The following ORC3 variants were observed in gnomAD, a reference collection of about 807,000 sequenced individuals.
ORC3 encodes homolog of latheo, Drosophila.
Under a neutral mutation model 100.7 loss-of-function variants are expected in ORC3, and 78 were observed. The ratio of observed to expected loss-of-function variants is 0.77; its 90% CI spans 0.65 to 0.94. The LOEUF (loss-of-function observed/expected upper bound fraction) is 0.94, where lower values mean the gene tolerates loss of function less well. Among genes scored for constraint, ORC3 ranks in the 40% least tolerant of loss-of-function variants. The pLI, the probability that ORC3 is intolerant of heterozygous loss-of-function variation, is 0.00. For missense variants in ORC3, 789 were observed against 823.9 expected, an observed-to-expected ratio of 0.96 and a Z score of 0.52; for synonymous variants, 295 against 289.3, an observed-to-expected ratio of 1.02 and a Z score of -0.20.
intron 16 of ORC3, among the ~76,000 whole-genome samples, chr6:87,658,587 C>T (rs1769910388): frequency 6.6e-6 from 1 of 151,992 alleles, no homozygotes. Flanking sequence ...TTCATTAGGT[C>T]AGGTGGGGAG....
At chr6:87,674,647 T>TATAAATATATATATATATAAATATATA in the ORC3 span, among the ~76,000 whole-genome samples, 2 of 148,300 alleles carry the variant, frequency 1.3e-5, no homozygotes, top group African/African-American at 5.0e-5. Context: ...TATATATTTT[T>TATAAATATATATATATATAAATATATA]TTTTTTTTAG....
At chr6:87,676,461 A>AAC in the ORC3 span, among the ~76,000 whole-genome samples, 1 of 141,282 alleles carries the variant, frequency 7.1e-6, no homozygotes, top group Non-Finnish European at 1.6e-5. Context: ...AAAAAAAAAA[A>AAC]AAAAAAAAAA....
chr6:87,675,662 A>G, the ORC3 span: 3 of 1,602,760 alleles, frequency 1.9e-6, no homozygotes, highest in Non-Finnish European at 1.7e-6. Flanking sequence ...ATCCAAACGA[A>G]TACTAGATCT....
At chr6:87,669,556 A>C (rs75549880), downstream of ORC3, among the ~76,000 whole-genome samples, 2 of 152,368 alleles carry the variant, frequency 1.3e-5, no homozygotes, top group African/African-American at 4.8e-5. Flanking sequence ...AGCCTCTGTC[A>C]TTCTAAGGGT....
Position 87,616,350 on chromosome 6 carries a change from G to C in ORC3, c.910G>C (p.Glu304Gln). Residue 304 changes from glutamate (E) to glutamine (Q), a missense_variant, in exon 9 of 20, where the codon GAA becomes CAA. Around this residue, in one of 3 missense-constraint regions of ORC3, gnomAD observed 399 missense variants for 382.0 expected, o/e 1.04. Transcript: ENST00000392844. Reference sequence around the variant, plus strand: ...AACTCAGTTTCCCTTTAAAATAAATGAAAAAGTATTACAGGTTCTGACCAA... The same window carrying C: ...AACTCAGTTTCCCTTTAAAATAAATCAAAAAGTATTACAGGTTCTGACCAA... The part of the protein sequence containing the change: ...LTTQFPFKIN[E>Q]KVLQVLTNIF... 2.0e-6 allele frequency: 3 copies of C among 1,529,070 alleles called. No homozygotes were observed. Among genetic ancestry groups the C allele is most frequent in the Non-Finnish European group, 2.7e-6 (3 of 1,103,918 alleles). The allele number at this position is 1,529,070 out of a possible 1,614,324, so 94.7% of individuals were successfully genotyped here. A position where few individuals can be genotyped will look rare whatever the true frequency, so the allele number is the denominator to read the frequency against.
chr6:87,675,337 T>A, the ORC3 span: 4 of 523,404 alleles, frequency 7.6e-6, no homozygotes, highest in African/African-American at 7.6e-5. Context: ...AACATTAATA[T>A]AAGAAGCCAA....
intron 11 of ORC3, among the ~76,000 whole-genome samples, chr6:87,628,899 C>G (rs2128272927): frequency 6.6e-6 from 1 of 152,270 alleles, no homozygotes; most frequent in Non-Finnish European, 1.5e-5. Flanking sequence ...GGAAAACAAT[C>G]ACAGTCTATC....
chr6:87,658,225 A>G (rs893368256), intron 16 of ORC3, among the ~76,000 whole-genome samples: 1 of 152,188 alleles, frequency 6.6e-6, no homozygotes, highest in Non-Finnish European at 1.5e-5. Context: ...TGGGAGGCCA[A>G]GGCTGGTGGA....
At chr6:87,669,028 A>G (rs532741342), downstream of ORC3, among the ~76,000 whole-genome samples, 2 of 151,784 alleles carry the variant, frequency 1.3e-5, no homozygotes, top group African/African-American at 4.8e-5. Flanking sequence ...GTGGTGGCAC[A>G]CGCCTGTAAT....
intron 13 of ORC3, among the ~76,000 whole-genome samples, chr6:87,638,019 A>G (rs1194930037): frequency 6.6e-6 from 1 of 152,236 alleles, no homozygotes; most frequent in Non-Finnish European, 1.5e-5. Context: ...GGGAACCAGG[A>G]TTCTACTCCA....
chr6:87,602,904 ATTATATATTATATATATATATACACGT>A lies in ORC3; in HGVS notation c.178-471_178-445del, dbSNP rs1393189079. Among the ~76,000 whole-genome samples the A allele has an allele frequency of 3.3e-5, 3 of 91,048 alleles. 1 individual carries two copies. The highest frequency in any genetic ancestry group is 6.1e-5 in the Non-Finnish European group (3 of 49,164). 59.7% of individuals were successfully genotyped at this position (91,048 alleles called of 152,430 possible). On this transcript the variant is annotated intron_variant, in intron 3 of 19. Transcript: ENST00000392844. Reference sequence around the variant, plus strand: ...CTTTAATGTCATATATCATATATATATTATATATTATATATATATATACACGTTTATATATATATACACATATATAAT... The same window carrying A: ...CTTTAATGTCATATATCATATATATATTATATATATATACACATATATAAT...
intron 13 of ORC3, among the ~76,000 whole-genome samples, chr6:87,650,061 CTTTT>C (rs565491984): frequency 4.1e-5 from 5 of 122,652 alleles, no homozygotes; most frequent in Admixed American, 8.5e-5. Context: ...TTTACACTCT[CTTTT>C]TTTTTTTTTT....
intron 9 of ORC3, among the ~76,000 whole-genome samples, chr6:87,619,866 C>T (rs1278010961): frequency 6.6e-6 from 1 of 151,698 alleles, no homozygotes; most frequent in East Asian, 1.9e-4. Flanking sequence ...ATTGGTAAGT[C>T]GTGATTTCTA....
intron 13 of ORC3, among the ~76,000 whole-genome samples, chr6:87,647,819 G>A (rs143867187): frequency 9.3e-4 from 142 of 152,258 alleles, no homozygotes; most frequent in Non-Finnish European, 1.5e-3. Flanking sequence ...TTTTATTTGA[G>A]GTGCTATATA....
chr6:87,670,486 A>C (rs982302689), downstream of ORC3, among the ~76,000 whole-genome samples: 4 of 152,044 alleles, frequency 2.6e-5, no homozygotes, highest in African/African-American at 9.7e-5. Flanking sequence ...CTATTTTCAC[A>C]ATGAATACAC....
At chr6:87,597,485 G>A (rs576101017) in intron 2 of ORC3, among the ~76,000 whole-genome samples, 1 of 152,108 alleles carries the variant, frequency 6.6e-6, no homozygotes, top group African/African-American at 2.4e-5. Flanking sequence ...TCCCCACAGG[G>A]TTATTGAGTA....
intron 2 of ORC3, chr6:87,595,471 A>G (rs1777362477): frequency 6.6e-6 from 1 of 152,204 alleles, no homozygotes; most frequent in Admixed American, 6.5e-5. Context: ...TTTGTGTTCC[A>G]AGACTCCTAT....
intron 1 of ORC3, among the ~76,000 whole-genome samples, chr6:87,593,003 G>T (rs1362826296): frequency 6.6e-6 from 1 of 152,104 alleles, no homozygotes; most frequent in Non-Finnish European, 1.5e-5. Flanking sequence ...TGAGGCAGGA[G>T]AATGGCTTGA....
chr6:87,594,247 T>C, intron 1 of ORC3, 106 bp from the exon 2 acceptor site: 1 of 684,520 alleles, frequency 1.5e-6, no homozygotes, highest in Non-Finnish European at 2.5e-6. Context: ...TTCTCTCCCC[T>C]AACATCTTTT....
Sources: allele counts gnomAD v4.1 joint callset (sites outside exome capture counted in the v4.1 genomes callset), GRCh38; gene constraint gnomAD v4.1.1; regional missense constraint gnomAD v4.1.1; transcripts MANE v1.5; gene names NCBI Gene and HGNC (gene_info 2026-07-23, HGNC 2026-07-21).